The following AFAP1L1 variants were observed in gnomAD, a reference collection of about 807,000 sequenced individuals.
The protein encoded by AFAP1L1 is actin filament associated protein 1 like 1, also known as actin filament-associated protein 1-like 1.
In AFAP1L1, 77 loss-of-function variants were observed where a neutral mutation model predicts 99.8. The observed-to-expected ratio is 0.77, with a 90% CI of 0.64 to 0.93. The LOEUF is 0.93. AFAP1L1 is among the 40% of genes least tolerant of loss of function. The probability of loss-of-function intolerance (pLI) is 0.00; values close to 1 mark genes in which losing one functional copy is unlikely to be tolerated. For missense variants in AFAP1L1, 893 were observed against 996.8 expected (o/e 0.90, Z 1.40); for synonymous variants, 373 against 395.3 (o/e 0.94, Z 0.67).
intron 12 of AFAP1L1, among the ~76,000 whole-genome samples, chr5:149,318,290 C>T (rs61685134): frequency 0.067 from 10,184 of 152,254 alleles, 387 homozygotes; most frequent in Middle Eastern, 0.15. Context: ...AATCTGGCAG[C>T]CCCAGAACCA....
intron 7 of AFAP1L1, among the ~76,000 whole-genome samples, chr5:149,308,010 A>G (rs1177260278): frequency 1.3e-5 from 2 of 151,978 alleles, no homozygotes; most frequent in African/African-American, 4.8e-5. Flanking sequence ...ACAAAAAATT[A>G]GCCAGGTGTG....
intron 1 of AFAP1L1, among the ~76,000 whole-genome samples, chr5:149,272,346 C>G (rs1339867578): frequency 6.6e-6 from 1 of 152,212 alleles, no homozygotes; most frequent in Non-Finnish European, 1.5e-5. Context: ...GTTCAACTCC[C>G]GAAACACCCG....
chr5:149,317,731 T>G lies in AFAP1L1; in HGVS notation c.1270T>G (p.Tyr424Asp), dbSNP rs886468464. 1 of 1,613,896 alleles carries G rather than the reference T, an allele frequency of 6.2e-7. No individual in the cohort carries two copies. Among genetic ancestry groups the G allele is most frequent in the East Asian group, 2.2e-5 (1 of 44,886 alleles). Residue 424 changes from tyrosine (Y) to aspartate (D), a missense_variant and splice_region_variant, in exon 12 of 19, where the codon TAC becomes GAC. Coordinates refer to ENST00000296721, the MANE Select transcript of AFAP1L1 (RefSeq NM_152406.4). ...STEEEVPCCG[Y>D]LNVLVNQGWK... ...CCTCACACCATTGTCTCCTCCAGGC[T>G]ACCTGAACGTGCTGGTGAACCAGGG... is the stretch of plus-strand genomic sequence containing the variant.
chr5:149,281,776 A>T (rs17109899), intron 1 of AFAP1L1, among the ~76,000 whole-genome samples: 2,174 of 152,254 alleles, frequency 0.014, 57 homozygotes, highest in African/African-American at 0.05. Context: ...TCCAGGTTAG[A>T]TATACGAGGG....
rs558403702 is a variant in AFAP1L1, at chr5:149,338,930, C to T, written c.2284-1077C>T. Among the ~76,000 whole-genome samples the T allele has an allele frequency of 3.2e-4, 49 of 152,266 alleles. No homozygotes were observed. In the South Asian group the frequency reaches 5.8e-3, roughly 18 times the overall value. On this transcript the variant is annotated intron_variant, in intron 18 of 18. Transcript: ENST00000296721. ...ATGTTTGAGGAACATCAAGAAGATCCAGGTGATTCCAGTGAAAGGAACAAA... is the reference window on the plus strand; with the variant it reads ...ATGTTTGAGGAACATCAAGAAGATCTAGGTGATTCCAGTGAAAGGAACAAA...
rs1472669920 is a variant in AFAP1L1 at position 149,315,973 on chromosome 5, T to TG, written c.1114+62dup. On this transcript the variant is annotated intron_variant, in intron 10 of 18. Coordinates refer to ENST00000296721, the MANE Select transcript of AFAP1L1 (RefSeq NM_152406.4). Reference sequence around the variant, plus strand: ...CTGGAACTGGGCCGGGCCTTGCCCATGGGCACACAGCGGCAGAGCAGGTTC... The same window carrying TG: ...CTGGAACTGGGCCGGGCCTTGCCCATGGGGCACACAGCGGCAGAGCAGGTTC... 6 of 1,603,434 alleles carry TG rather than the reference T, an allele frequency of 3.7e-6. No homozygotes were observed. The African/African-American group carries it at 6.7e-5, about 18-fold the overall frequency.
chr5:149,317,274 G>C (rs935029570), intron 11 of AFAP1L1, among the ~76,000 whole-genome samples: 1 of 152,184 alleles, frequency 6.6e-6, no homozygotes, highest in Non-Finnish European at 1.5e-5. Context: ...AACATTAAGA[G>C]GGAATTCTAA....
intron 1 of AFAP1L1, among the ~76,000 whole-genome samples, chr5:149,274,811 G>A (rs1755259101): frequency 6.6e-6 from 1 of 151,932 alleles, no homozygotes. Flanking sequence ...CTTGAACCTG[G>A]GAGGTGGAGG....
chr5:149,272,181 C>T (rs1755140578), intron 1 of AFAP1L1, among the ~76,000 whole-genome samples, 197 bp downstream of exon 1: 1 of 152,184 alleles, frequency 6.6e-6, no homozygotes, highest in African/African-American at 2.4e-5. Context: ...CGTGTCAACG[C>T]CCGTGTCCTG....
intron 4 of AFAP1L1, among the ~76,000 whole-genome samples, 153 bp from the exon 5 acceptor site, chr5:149,302,265 C>T (rs893603608): frequency 6.6e-6 from 1 of 152,172 alleles, no homozygotes; most frequent in Non-Finnish European, 1.5e-5. Context: ...ATAAATATGC[C>T]CTCGAGTTTT....
intron 7 of AFAP1L1, among the ~76,000 whole-genome samples, chr5:149,308,089 CAGTGAACCG>C (rs1561673045): frequency 6.6e-6 from 1 of 152,088 alleles, no homozygotes; most frequent in East Asian, 1.9e-4. Context: ...GCTGAGGTTG[CAGTGAACCG>C]AGATCATACC....
Position 149,306,376 on chromosome 5 carries a change from C to A in AFAP1L1, c.507C>A (p.Thr169=). ...ACGCAGACAGCAGCTACCCTGCAAC[C>A]AGGGTGAACGGCGAGCTTAAGAGCT... The part of the protein sequence containing the change: ...YEDADSSYPA[T]RVNGELKSSY... The change falls in exon 6 of 19, where the codon ACC becomes ACA. Residue 169 remains threonine, a synonymous_variant. Coordinates refer to ENST00000296721, the MANE Select transcript of AFAP1L1 (RefSeq NM_152406.4). 4.3e-6 allele frequency: 7 copies of A among 1,613,164 alleles called. No individual in the cohort carries two copies. The highest frequency in any genetic ancestry group is 5.1e-6 in the Non-Finnish European group (6 of 1,179,618).
chr5:149,293,786 A>G (rs1362086281), intron 1 of AFAP1L1, among the ~76,000 whole-genome samples: 1 of 152,214 alleles, frequency 6.6e-6, no homozygotes, highest in Non-Finnish European at 1.5e-5. Flanking sequence ...AGTGCTTCAC[A>G]AGCATAACCT....
At chr5:149,291,271 G>C (rs1755844329) in intron 1 of AFAP1L1, among the ~76,000 whole-genome samples, 1 of 152,106 alleles carries the variant, frequency 6.6e-6, no homozygotes, top group Admixed American at 6.5e-5. Flanking sequence ...CCTCACGCCT[G>C]TAATCCCAAC....
chr5:149,312,126 G>A lies in AFAP1L1; in HGVS notation c.942G>A (p.Val314=). The A allele has an allele frequency of 1.2e-6, 2 of 1,613,804 alleles. No homozygotes were observed. Among genetic ancestry groups the A allele is most frequent in the Non-Finnish European group, 1.7e-6 (2 of 1,179,986 alleles). Residue 314 remains valine, a synonymous_variant, in exon 9 of 19, where the codon GTG becomes GTA. Coordinates refer to ENST00000296721, the MANE Select transcript of AFAP1L1 (RefSeq NM_152406.4). ...AEEWLKVIRE[V]SKPVGGAEGV... ...CCTCTTCACAGGTCATCCGAGAAGT[G>A]AGCAAGCCAGTTGGGGGAGCTGAGG...
intron 1 of AFAP1L1, among the ~76,000 whole-genome samples, chr5:149,291,259 T>C (rs1307330949): frequency 1.3e-5 from 2 of 151,720 alleles, no homozygotes; most frequent in African/African-American, 4.8e-5. Context: ...GCCTACAGGG[T>C]GCCTCACGCC....
chr5:149,290,799 T>C (rs1414899584), intron 1 of AFAP1L1, among the ~76,000 whole-genome samples: 1 of 152,224 alleles, frequency 6.6e-6, no homozygotes, highest in Non-Finnish European at 1.5e-5. Flanking sequence ...TAAAATCACA[T>C]TAACTAGCTG....
chr5:149,334,073 A>G (rs1323021467), intron 17 of AFAP1L1, among the ~76,000 whole-genome samples: 2 of 152,224 alleles, frequency 1.3e-5, no homozygotes, highest in Non-Finnish European at 2.9e-5. Flanking sequence ...TCAAATGAAT[A>G]AATGTTTTGC....
At chr5:149,280,711 TG>T (rs1755489894) in intron 1 of AFAP1L1, among the ~76,000 whole-genome samples, 1 of 152,246 alleles carries the variant, frequency 6.6e-6, no homozygotes, top group Non-Finnish European at 1.5e-5. Context: ...GCAAATTTTT[TG>T]TTAGCATCCA....
Sources: allele counts gnomAD v4.1 joint callset (sites outside exome capture counted in the v4.1 genomes callset), GRCh38; gene constraint gnomAD v4.1.1; transcripts MANE v1.5; gene names NCBI Gene and HGNC (gene_info 2026-07-23, HGNC 2026-07-21).